Variants in FRYL observed in about 807,000 individuals in gnomAD.
FRYL encodes FRY like transcription coactivator, also known as protein furry homolog-like.
In FRYL, 150 loss-of-function variants were observed where a neutral mutation model predicts 351.2. The ratio of observed to expected loss-of-function variants is 0.43; its 90% CI spans 0.37 to 0.49. The LOEUF is 0.49. Ranked by LOEUF, FRYL falls within the 20% of genes least tolerant of loss-of-function variation. The pLI, the probability that FRYL is intolerant of heterozygous loss-of-function variation, is 0.00. For missense variants in FRYL, 3,036 were observed against 3,619.3 expected (o/e 0.84, Z 4.13); for synonymous variants, 1,153 against 1,257.1 (o/e 0.92, Z 1.75).
chr4:48,605,894 A>G, intron 10 of FRYL, 61 bp from the exon 11 acceptor site: 1 of 980,402 alleles, frequency 1.0e-6, no homozygotes, highest in Non-Finnish European at 1.6e-6. Context: ...AGAATTTGTA[A>G]TATCACATCA....
At chr4:48,706,051 G>C (rs562956836) in intron 2 of FRYL, among the ~76,000 whole-genome samples, 23 of 152,206 alleles carry the variant, frequency 1.5e-4, no homozygotes, top group Admixed American at 3.3e-4. Context: ...TGGACAGGCT[G>C]GTCTCAAACT....
At chr4:48,530,037 A>T (rs1187883620) in intron 50 of FRYL, among the ~76,000 whole-genome samples, 1 of 152,090 alleles carries the variant, frequency 6.6e-6, no homozygotes, top group African/African-American at 2.4e-5. Flanking sequence ...GAAACCCTTA[A>T]TTTGTTACTT....
chr4:48,515,302 A>C, intron 55 of FRYL, 27 bp from the exon 56 acceptor site: 1 of 1,523,190 alleles, frequency 6.6e-7, no homozygotes, highest in South Asian at 1.2e-5. Context: ...GTTTTAGTGA[A>C]CTATAAACAC....
At chr4:48,651,089 T>C (rs940484853) in intron 3 of FRYL, among the ~76,000 whole-genome samples, 5 of 152,226 alleles carry the variant, frequency 3.3e-5, no homozygotes, top group African/African-American at 1.2e-4. Context: ...TTCAATGTGA[T>C]TCCTTCTTAT....
chr4:48,529,832 A>C (rs1727135164), intron 50 of FRYL, among the ~76,000 whole-genome samples: 1 of 152,134 alleles, frequency 6.6e-6, no homozygotes, highest in South Asian at 2.1e-4. Context: ...CGGGACTCTC[A>C]GCAAGGATGA....
At chr4:48,632,692 T>A (rs1328984317) in intron 4 of FRYL, among the ~76,000 whole-genome samples, 1 of 152,134 alleles carries the variant, frequency 6.6e-6, no homozygotes, top group African/African-American at 2.4e-5. Flanking sequence ...TGCACAGTTT[T>A]GAAATATACA....
At position 48,567,242 on chromosome 4, in the gene FRYL, T is replaced by C. The variant is rs1560621169; in HGVS notation, c.3169+6A>G. On this transcript the variant is annotated splice_donor_region_variant and intron_variant, in intron 28 of 63. Coordinates refer to ENST00000358350, the MANE Select transcript of FRYL (RefSeq NM_015030.2). The surrounding 1 kb of genome is among the most constrained non-coding windows in gnomAD (Gnocchi z 4.2). ...CAATAATGCTTTAAGAAACTGAAAA[T>C]AATACCTGGAACATTCTGAATAATA... 5.0e-6 allele frequency: 8 copies of C among 1,599,422 alleles called. No individual in the cohort carries two copies. The highest frequency in any genetic ancestry group is 4.6e-5 in the South Asian group (4 of 86,890).
intron 2 of FRYL, among the ~76,000 whole-genome samples, chr4:48,700,591 CA>C: frequency 6.6e-6 from 1 of 151,952 alleles, no homozygotes; most frequent in South Asian, 2.1e-4. Flanking sequence ...CACTTGAGCC[CA>C]GGAGTTCAAG....
Position 48,500,111 on chromosome 4 carries a change from A to G in FRYL, c.8702T>C (p.Ile2901Thr), listed in dbSNP as rs918355082. Reference sequence around the variant, plus strand: ...AATTAAAGAATGAATGGCAGTTTCTATAGTAGTTTGTGCAGCTTTGGAAAT... The same window carrying G: ...AATTAAAGAATGAATGGCAGTTTCTGTAGTAGTTTGTGCAGCTTTGGAAAT... ...IDISKAAQTT[I>T]ETAIHSLIET... is the part of the protein sequence containing the mutation. Residue 2901 changes from isoleucine (I) to threonine (T), a missense_variant, in exon 63 of 64, where the codon ATA (isoleucine) becomes ACA (threonine). Coordinates refer to ENST00000358350, the MANE Select transcript of FRYL (RefSeq NM_015030.2). The G allele has an allele frequency of 9.4e-6, 15 of 1,601,870 alleles. No homozygotes were observed. Among genetic ancestry groups the G allele is most frequent in the Non-Finnish European group, 1.3e-5 (15 of 1,174,790 alleles).
At chr4:48,684,634 A>G (rs1764971599) in intron 3 of FRYL, 39 bp downstream of exon 3, 1 of 152,192 alleles carries the variant, frequency 6.6e-6, no homozygotes, top group Non-Finnish European at 1.5e-5. Context: ...TCAGACCTCA[A>G]TCACTATTTA....
intron 16 of FRYL, among the ~76,000 whole-genome samples, chr4:48,592,082 T>TTATATATATATATATATATATATATATA (rs56320005): frequency 2.6e-3 from 305 of 115,878 alleles, no homozygotes; most frequent in South Asian, 4.4e-3. Flanking sequence ...AATAAAGCTC[T>TTATATATATATATATATATATATATATA]TATATATATA....
intron 10 of FRYL, 66 bp downstream of exon 10, chr4:48,606,371 TA>T: frequency 1.9e-6 from 2 of 1,052,892 alleles, no homozygotes; most frequent in Non-Finnish European, 2.7e-6. Flanking sequence ...TTGTTTCTTT[TA>T]AAAAGTCATG....
Position 48,620,722 on chromosome 4 carries a change from G to A in FRYL, c.231C>T (p.Thr77=), listed in dbSNP as rs377561266. 5 of 1,613,760 alleles carry A rather than the reference G, an allele frequency of 3.1e-6. No individual in the cohort carries two copies. Among genetic ancestry groups the A allele is most frequent in the Non-Finnish European group, 4.2e-6 (5 of 1,179,832 alleles). The change falls in exon 6 of 64, where the codon ACC becomes ACT. Residue 77 remains threonine, a synonymous_variant. Coordinates refer to ENST00000358350, the MANE Select transcript of FRYL (RefSeq NM_015030.2). ...TTTGGCGTCTGTACCAGTCAAACAA[G>A]GTGCGAAGTAAGGAAGGGAGACAGT... ...AEHCLPSLLR[T]LFDWYRRQNG... is the part of the protein sequence containing the mutation.
intron 3 of FRYL, among the ~76,000 whole-genome samples, chr4:48,676,547 A>ATTT (rs60426434): frequency 3.7e-4 from 51 of 136,096 alleles, no homozygotes; most frequent in African/African-American, 1.0e-3. Flanking sequence ...AGGCCCGGCT[A>ATTT]TTTTTTTTTT....
intron 9 of FRYL, 60 bp from the exon 10 acceptor site, chr4:48,606,666 A>T (rs1304086262): frequency 6.6e-6 from 9 of 1,364,786 alleles, no homozygotes; most frequent in Non-Finnish European, 9.0e-6. Flanking sequence ...TCCACATGAT[A>T]TTTAAGGGTA....
chr4:48,609,853 G>A, intron 7 of FRYL, 30 bp from the exon 8 acceptor site: 2 of 1,249,000 alleles, frequency 1.6e-6, no homozygotes, highest in Non-Finnish European at 2.3e-6. Flanking sequence ...TCAAGTAAGA[G>A]TTAAATTATT....
At position 48,522,843 on chromosome 4, in the gene FRYL, T is replaced by C. The variant is rs1029860141; in HGVS notation, c.7521+58A>G. On this transcript the variant is annotated intron_variant, in intron 54 of 63. Coordinates refer to ENST00000358350, the MANE Select transcript of FRYL (RefSeq NM_015030.2). Reference sequence around the variant, plus strand: ...TGCACAAGAAATAATCATTAAGAAGTTGGAAGTTAAGAGGAAAATGAGACC... The same window carrying C: ...TGCACAAGAAATAATCATTAAGAAGCTGGAAGTTAAGAGGAAAATGAGACC... 1.4e-5 allele frequency: 17 copies of C among 1,238,780 alleles called. No individual in the cohort carries two copies. In the Admixed American group the frequency reaches 1.5e-4, roughly 11 times the overall value. 76.7% of individuals were successfully genotyped at this position (1,238,780 alleles called of 1,614,324 possible).
rs553486495 is a variant in FRYL at position 48,498,994 on chromosome 4, T to C, written c.*428A>G. On this transcript the variant is annotated 3_prime_UTR_variant, in exon 64 of 64. Transcript: ENST00000358350. ...AATTGCAGGTTAGGTTTTCAACTGC[T>C]AGAAATCCAAGCAGCTTTGCAGGTC... The C allele has an allele frequency of 5.4e-4, 98 of 180,434 alleles. 1 individual carries two copies. In the South Asian group the frequency reaches 0.012, roughly 22 times the overall value. The allele number at this position is 180,434 out of a possible 1,614,324, so 11.2% of individuals were successfully genotyped here. A position where few individuals can be genotyped will look rare whatever the true frequency, so the allele number is the denominator to read the frequency against.
intron 3 of FRYL, among the ~76,000 whole-genome samples, chr4:48,635,822 C>G (rs530500165): frequency 6.6e-6 from 1 of 152,112 alleles, no homozygotes; most frequent in Non-Finnish European, 1.5e-5. Flanking sequence ...GCCCTTGAAC[C>G]CCTTCCTTGA....
Sources: allele counts gnomAD v4.1 joint callset (sites outside exome capture counted in the v4.1 genomes callset), GRCh38; gene constraint gnomAD v4.1.1; non-coding constraint Gnocchi (gnomAD v3.1); transcripts MANE v1.5; gene names NCBI Gene and HGNC (gene_info 2026-07-23, HGNC 2026-07-21).